EIF4G3: variants seen among roughly 807,000 people sequenced by gnomAD.
EIF4G3 encodes the protein eIF-4-gamma 3.
In EIF4G3, 34 loss-of-function variants were observed where a neutral mutation model predicts 186.4. The observed-to-expected ratio is 0.18, with a 90% CI of 0.14 to 0.24. EIF4G3 has a LOEUF of 0.24. Ranked by LOEUF, EIF4G3 falls within the 10% of genes least tolerant of loss-of-function variation. The pLI, the probability that EIF4G3 is intolerant of heterozygous loss-of-function variation, is 1.00. For synonymous variants in EIF4G3, 673 were observed against 679.5 expected (o/e 0.99, Z 0.15); for missense variants, 1,536 against 1,948.5 (o/e 0.79, Z 3.99).
At chr1:20,961,765 A>G (rs1271672402) in intron 12 of EIF4G3, among the ~76,000 whole-genome samples, 1 of 152,218 alleles carries the variant, frequency 6.6e-6, no homozygotes, top group Non-Finnish European at 1.5e-5. Flanking sequence ...ATACCTATTT[A>G]AAGTCTACAA....
chr1:21,151,473 C>T (rs1251944827), intron 2 of EIF4G3, among the ~76,000 whole-genome samples: 1 of 151,778 alleles, frequency 6.6e-6, no homozygotes, highest in East Asian at 1.9e-4. Context: ...CTCCTGACCT[C>T]GTGATCCGCC....
chr1:21,022,188 A>C (rs930680952), intron 4 of EIF4G3, among the ~76,000 whole-genome samples: 3 of 152,202 alleles, frequency 2.0e-5, no homozygotes, highest in Admixed American at 2.0e-4. Flanking sequence ...TAAATACCAA[A>C]GATTGCACCT....
At chr1:21,142,942 G>C (rs1214212836) in intron 2 of EIF4G3, among the ~76,000 whole-genome samples, 1 of 152,018 alleles carries the variant, frequency 6.6e-6, no homozygotes, top group Admixed American at 6.6e-5. Context: ...TGTTACTAAA[G>C]AAATTACATT....
At chr1:20,990,427 C>A (rs910923261) in intron 7 of EIF4G3, among the ~76,000 whole-genome samples, 25 of 152,188 alleles carry the variant, frequency 1.6e-4, no homozygotes, top group African/African-American at 6.0e-4. Context: ...GTAATCCCAG[C>A]ACTTTAGGAG....
chr1:21,122,006 G>T (rs2096934008), intron 2 of EIF4G3, among the ~76,000 whole-genome samples: 1 of 152,086 alleles, frequency 6.6e-6, no homozygotes, highest in Non-Finnish European at 1.5e-5. Flanking sequence ...CAACAAAGAG[G>T]TTAGGTGGTT....
In EIF4G3 at chr1:20,982,403, T is replaced by A. The variant is rs1441844995; in HGVS notation, c.183A>T (p.Gly61=). The A allele has an allele frequency of 6.5e-7, 1 of 1,527,526 alleles. No individual in the cohort carries two copies. The highest frequency in any genetic ancestry group is 1.4e-5 in the African/African-American group (1 of 72,210). The allele number at this position is 1,527,526 out of a possible 1,614,324, so 94.6% of individuals were successfully genotyped here. A position where few individuals can be genotyped will look rare whatever the true frequency, so the allele number is the denominator to read the frequency against. The part of the protein sequence containing the change: ...AGPRPPHHQG[G]FRPIQFFQRP... ...AGTTTGTTACCTGGATAGGTCTGAA[T>A]CCTCCCTTCAAATATGAAGCAAGAA... The change falls in exon 8 of 37, where the codon GGA becomes GGT. Residue 61 remains glycine (G), a synonymous_variant. Transcript: ENST00000602326.
chr1:21,133,408 G>A (rs1009026740), intron 2 of EIF4G3, among the ~76,000 whole-genome samples: 6 of 151,892 alleles, frequency 4.0e-5, no homozygotes, highest in Non-Finnish European at 7.4e-5. Flanking sequence ...TATTTTTTTA[G>A]TAAAGACAGG....
chr1:20,807,419 T>A lies in EIF4G3; in HGVS notation c.4826A>T (p.Lys1609Met). The A allele has an allele frequency of 3.1e-6, 5 of 1,613,004 alleles. No individual in the cohort carries two copies. The change falls in exon 37 of 37, where the codon AAG (lysine) becomes ATG (methionine). Residue 1609 changes from lysine to methionine, a missense_variant. Transcript: ENST00000602326. ...EDAFYKWESS[K>M]DPAEQNGKGV... ...CTTCCCATTCTGCTCTGCAGGGTCC[T>A]TGCTGCTCTCCCATTTGTAGAAGGC...
Position 21,164,131 on chromosome 1 carries a change from A to G in EIF4G3, c.-272+12044T>C, listed in dbSNP as rs533934506. Among the ~76,000 whole-genome samples the G allele has an allele frequency of 2.6e-5, 4 of 152,282 alleles. No homozygotes were observed. In the East Asian group the frequency reaches 5.8e-4, roughly 22 times the overall value. Reference sequence around the variant, plus strand: ...TAGAATAGCCTGGGAGTATAACCTCATATCAATCAACAACCAATTTTAACC... The same window carrying G: ...TAGAATAGCCTGGGAGTATAACCTCGTATCAATCAACAACCAATTTTAACC... On this transcript the variant is annotated intron_variant, in intron 2 of 36. Transcript: ENST00000602326.
At chr1:21,151,544 G>T (rs1356094915) in intron 2 of EIF4G3, among the ~76,000 whole-genome samples, 1 of 151,748 alleles carries the variant, frequency 6.6e-6, no homozygotes, top group Non-Finnish European at 1.5e-5. Flanking sequence ...AGCTTTAATG[G>T]TTATATAGTA....
intron 3 of EIF4G3, among the ~76,000 whole-genome samples, chr1:21,078,843 G>T (rs1170952330): frequency 1.3e-5 from 2 of 152,032 alleles, no homozygotes; most frequent in African/African-American, 4.8e-5. Context: ...AAATTCGCCG[G>T]GTATAGTGGC....
At chr1:20,821,288 C>G (rs1298922167) in intron 33 of EIF4G3, among the ~76,000 whole-genome samples, 2 of 152,204 alleles carry the variant, frequency 1.3e-5, no homozygotes, top group Non-Finnish European at 2.9e-5. Flanking sequence ...ATTGTTCAAC[C>G]TGGCACCAGC....
intron 2 of EIF4G3, among the ~76,000 whole-genome samples, chr1:21,141,423 A>G (rs2097335941): frequency 6.7e-6 from 1 of 149,044 alleles, no homozygotes; most frequent in South Asian, 2.1e-4. Context: ...GTAAAAAAAA[A>G]AAGTGTGAGA....
chr1:21,133,784 C>T (rs1478698135), intron 2 of EIF4G3, among the ~76,000 whole-genome samples: 2 of 152,162 alleles, frequency 1.3e-5, no homozygotes, highest in African/African-American at 4.8e-5. Context: ...TACACTAAGA[C>T]AGCACCCAGG....
chr1:20,893,609 T>G lies in EIF4G3; in HGVS notation c.2161A>C (p.Thr721Pro), dbSNP rs753062231. 1.0e-5 allele frequency: 16 copies of G among 1,580,700 alleles called. No individual in the cohort carries two copies. Among genetic ancestry groups the G allele is most frequent in the Non-Finnish European group, 1.4e-5 (16 of 1,154,992 alleles). Residue 721 changes from threonine to proline, a missense_variant, in exon 18 of 37, where the codon ACT becomes CCT. By Grantham distance (38) the Thr-to-Pro change is conservative. Transcript: ENST00000602326. ...CGAGGCAAAATTCGAGGATCCAGAGTTCGCATTGGCAATTTGGGTTGGTTG... is the reference window on the plus strand; with the variant it reads ...CGAGGCAAAATTCGAGGATCCAGAGGTCGCATTGGCAATTTGGGTTGGTTG... ...KINQPKLPMR[T>P]LDPRILPRGP... is the part of the protein sequence containing the mutation.
intron 3 of EIF4G3, among the ~76,000 whole-genome samples, chr1:21,062,296 G>A (rs778286459): frequency 3.3e-5 from 5 of 151,988 alleles, no homozygotes; most frequent in Non-Finnish European, 7.4e-5. Flanking sequence ...CTGGGCTCAA[G>A]CAATCCTCCC....
At chr1:21,059,517 T>C (rs1442790459) in intron 3 of EIF4G3, among the ~76,000 whole-genome samples, 1 of 151,238 alleles carries the variant, frequency 6.6e-6, no homozygotes, top group Non-Finnish European at 1.5e-5. Context: ...TGAATTCTGT[T>C]AATATCATTG....
intron 20 of EIF4G3, among the ~76,000 whole-genome samples, chr1:20,867,705 T>C (rs949509266): frequency 9.9e-5 from 15 of 152,114 alleles, no homozygotes; most frequent in African/African-American, 3.6e-4. Context: ...TGTAATAACA[T>C]AGCTATCAAA....
chr1:20,921,474 G>A (rs186721182), intron 14 of EIF4G3, among the ~76,000 whole-genome samples: 61 of 152,188 alleles, frequency 4.0e-4, no homozygotes, highest in African/African-American at 1.3e-3. Context: ...TGACCATTCC[G>A]AAAGAACAGC....
Sources: gnomAD v4.1 joint callset for allele counts (sites outside exome capture counted in the v4.1 genomes callset) on GRCh38, gnomAD v4.1.1 for gene constraint, MANE v1.5 for transcripts, NCBI Gene and HGNC (gene_info 2026-07-23, HGNC 2026-07-21) for gene names.